Variants in ADAMTS7 observed in about 807,000 individuals in gnomAD.
ADAMTS7 encodes A disintegrin and metalloproteinase with thrombospondin motifs 7.
A neutral mutation model predicts 172.6 loss-of-function variants in ADAMTS7; 89 were observed. The observed-to-expected ratio is 0.52, with a 90% CI of 0.43 to 0.61. The LOEUF (loss-of-function observed/expected upper bound fraction) is 0.61. ADAMTS7 is among the 20% of genes least tolerant of loss of function. The pLI, the probability that ADAMTS7 is intolerant of heterozygous loss-of-function variation, is 0.00. For synonymous variants in ADAMTS7, 885 were observed against 978.4 expected (o/e 0.90, Z 1.78); for missense variants, 1,973 against 2,355.6 (o/e 0.84, Z 3.36).
At chr15:78,779,819 C>T (rs2055404819) in intron 8 of ADAMTS7, among the ~76,000 whole-genome samples, 1 of 151,934 alleles carries the variant, frequency 6.6e-6, no homozygotes, top group South Asian at 2.1e-4. Context: ...CCTTCTGCTT[C>T]CTGGCTGCCC....
chr15:78,787,456 G>A (rs2055518802), intron 8 of ADAMTS7, among the ~76,000 whole-genome samples: 1 of 151,502 alleles, frequency 6.6e-6, no homozygotes, highest in African/African-American at 2.4e-5. Flanking sequence ...CTGAGGTCAC[G>A]AGTTCAAGAC....
At chr15:78,761,795 G>A (rs2141467283) in intron 23 of ADAMTS7, 1 of 973,276 alleles carries the variant, frequency 1.0e-6, no homozygotes, top group African/African-American at 1.8e-5. Context: ...GGCGGCAGGG[G>A]TGTCCAGAAC....
intron 22 of ADAMTS7, among the ~76,000 whole-genome samples, chr15:78,763,339 G>A (rs988379836): frequency 6.6e-6 from 1 of 152,120 alleles, no homozygotes; most frequent in Non-Finnish European, 1.5e-5. Flanking sequence ...CCCCTCTTAC[G>A]CCCCCTTCTG....
At chr15:78,761,423 C>T (rs2055041134) in intron 23 of ADAMTS7, among the ~76,000 whole-genome samples, 1 of 152,184 alleles carries the variant, frequency 6.6e-6, no homozygotes, top group Non-Finnish European at 1.5e-5. Context: ...CAGGGTCAGC[C>T]CCAGGCCCTC....
At chr15:78,785,549 A>G (rs1262483945) in intron 8 of ADAMTS7, among the ~76,000 whole-genome samples, 1 of 71,434 alleles carries the variant, frequency 1.4e-5, no homozygotes, top group Non-Finnish European at 4.6e-5. Flanking sequence ...AGTCTCTCAA[A>G]AAAAAAAAAA....
In ADAMTS7 at chr15:78,771,798, G is replaced by A. The variant is rs772771287; in HGVS notation, c.2163C>T (p.Gly721=). 32 of 1,612,240 alleles carry A rather than the reference G, an allele frequency of 2.0e-5. No individual in the cohort carries two copies. The highest frequency in any genetic ancestry group is 4.0e-5 in the African/African-American group (3 of 74,896). Residue 721 remains glycine, a synonymous_variant, in exon 15 of 24, where the codon GGC becomes GGT. Coordinates refer to ENST00000388820, the MANE Select transcript of ADAMTS7 (RefSeq NM_014272.5). This position sits in a 1 kb window ranked among gnomAD's most constrained non-coding sequence, Gnocchi z 4.9. The part of the protein sequence containing the change: ...GYVDVGLIPA[G]AREIRIQEVA... ...CCTCTTGGATGCGGATCTCGCGTGC[G>A]CCCGCTGGGATCAGCCCCACATCCA...
chr15:78,780,865 A>C (rs1346364019), intron 8 of ADAMTS7, among the ~76,000 whole-genome samples: 1 of 152,078 alleles, frequency 6.6e-6, no homozygotes, highest in Non-Finnish European at 1.5e-5. Context: ...CCCTCTCCCC[A>C]TTCCTACAGA....
intron 1 of ADAMTS7, among the ~76,000 whole-genome samples, chr15:78,805,684 C>A (rs1206376660): frequency 6.6e-6 from 1 of 152,190 alleles, no homozygotes; most frequent in Admixed American, 6.5e-5. Flanking sequence ...ACGTTACCTG[C>A]CTAGTCCACG....
chr15:78,796,669 A>G lies in ADAMTS7; in HGVS notation c.740T>C (p.Leu247Pro). Residue 247 changes from leucine to proline, a missense_variant, in exon 4 of 24, where the codon CTG (leucine) becomes CCG (proline). Transcript: ENST00000388820. ...CACCATTTTGGCATCAGCTACTACC[A>G]GGGTCTCCACCCACTTCTCTTTGCT... ...SVSKEKWVETLVVADAKMVEY... is the reference protein window; with the variant it reads ...SVSKEKWVETPVVADAKMVEY... The G allele has an allele frequency of 6.2e-7, 1 of 1,614,072 alleles. No individual in the cohort carries two copies. Among genetic ancestry groups the G allele is most frequent in the Non-Finnish European group, 8.5e-7 (1 of 1,180,012 alleles).
At chr15:78,767,186 C>T (rs2141476351) in intron 18 of ADAMTS7, 135 bp from the exon 19 acceptor site, 3 of 1,153,526 alleles carry the variant, frequency 2.6e-6, no homozygotes, top group East Asian at 2.6e-5. Flanking sequence ...CTGGCCCTTC[C>T]CAGCTCAAGG....
chr15:78,785,597 C>T (rs978348529), intron 8 of ADAMTS7, among the ~76,000 whole-genome samples: 1 of 149,558 alleles, frequency 6.7e-6, no homozygotes, highest in African/African-American at 2.5e-5. Context: ...CTTATTACAA[C>T]ACTTAGTTCA....
chr15:78,808,314 G>A (rs759828073), intron 1 of ADAMTS7, among the ~76,000 whole-genome samples: 7 of 152,208 alleles, frequency 4.6e-5, no homozygotes, highest in Middle Eastern at 3.4e-3. Flanking sequence ...TCGGCTCACC[G>A]CAACCTCTGC....
At chr15:78,761,247 G>C (rs1457776122) in intron 23 of ADAMTS7, among the ~76,000 whole-genome samples, 3 of 152,232 alleles carry the variant, frequency 2.0e-5, no homozygotes, top group Non-Finnish European at 4.4e-5. Context: ...GGTAGAGAAG[G>C]CAGCGTTGGA....
intron 16 of ADAMTS7, among the ~76,000 whole-genome samples, chr15:78,768,654 T>C (rs1367335917): frequency 1.3e-5 from 2 of 152,220 alleles, no homozygotes; most frequent in South Asian, 2.1e-4. Flanking sequence ...GCGTGTGTTC[T>C]TGCATGTGCA....
At chr15:78,807,359 G>A (rs970506536) in intron 1 of ADAMTS7, among the ~76,000 whole-genome samples, 1 of 152,218 alleles carries the variant, frequency 6.6e-6, no homozygotes, top group African/African-American at 2.4e-5. Context: ...CCCAGCGGAT[G>A]TACAGTCCTG....
intron 16 of ADAMTS7, chr15:78,770,902 C>G (rs2141481181): frequency 1.9e-6 from 1 of 529,194 alleles, no homozygotes; most frequent in Admixed American, 3.2e-5. Context: ...AGCTGTGTCC[C>G]CTGGAGGGAG....
chr15:78,795,626 G>A (rs1010721449), intron 4 of ADAMTS7, among the ~76,000 whole-genome samples: 4 of 152,172 alleles, frequency 2.6e-5, no homozygotes, highest in African/African-American at 9.7e-5. Flanking sequence ...TGGCCCCAGG[G>A]CTCCTTTAGA....
At position 78,771,947 on chromosome 15, in the gene ADAMTS7, T is replaced by C; in HGVS notation, c.2132-118A>G. On this transcript the variant is annotated intron_variant, in intron 14 of 23. Transcript: ENST00000388820. This position sits in a 1 kb window ranked among gnomAD's most constrained non-coding sequence, Gnocchi z 4.9. ...GCCTGCTGATGCCAAAGCTTTAAAG[T>C]CTGAGCTCCCTAAATTGCTCGGATC... is the stretch of plus-strand genomic sequence containing the variant. The C allele has an allele frequency of 4.2e-6, 6 of 1,426,966 alleles. No homozygotes were observed. Among genetic ancestry groups the C allele is most frequent in the Non-Finnish European group, 5.6e-6 (6 of 1,068,076 alleles). 88.4% of individuals were successfully genotyped at this position (1,426,966 alleles called of 1,614,324 possible). A position where few individuals can be genotyped will look rare whatever the true frequency, so the allele number is the denominator to read the frequency against.
Position 78,773,110 on chromosome 15 carries a change from C to T in ADAMTS7, c.2104G>A (p.Gly702Arg), listed in dbSNP as rs757021203. 3.8e-5 allele frequency: 58 copies of T among 1,524,790 alleles called. 1 individual carries two copies. The highest frequency in any genetic ancestry group is 3.6e-4 in the South Asian group (30 of 84,484). The allele number at this position is 1,524,790 out of a possible 1,614,324, so 94.5% of individuals were successfully genotyped here. ...AGGCCCTCGGCCTCCTCGAAGGTCC[C>T]GCTCACGGTGTGGCAGGTGGAGCCG... ...GNGSTCHTVS[G>R]TFEEAEGLGY... is the part of the protein sequence containing the mutation. The change falls in exon 14 of 24, where the codon GGG (glycine) becomes AGG (arginine). Residue 702 changes from glycine (G) to arginine (R), a missense_variant. Gly to Arg is a moderately radical substitution (Grantham distance 125). Around this residue, in one of 8 missense-constraint regions of ADAMTS7, gnomAD observed 771 missense variants for 952.6 expected, o/e 0.81. Coordinates refer to ENST00000388820, the MANE Select transcript of ADAMTS7 (RefSeq NM_014272.5).
Sources: gnomAD v4.1 joint callset for allele counts (sites outside exome capture counted in the v4.1 genomes callset) on GRCh38, gnomAD v4.1.1 for gene constraint, gnomAD v4.1.1 regional missense constraint, Gnocchi (gnomAD v3.1) non-coding constraint, MANE v1.5 for transcripts, NCBI Gene and HGNC (gene_info 2026-07-23, HGNC 2026-07-21) for gene names.